The following RNF2 variants were observed in gnomAD, a reference collection of about 807,000 sequenced individuals.
RNF2 encodes the protein ring finger protein 2.
In RNF2, 6 loss-of-function variants were observed where a neutral mutation model predicts 37.2. That is an observed-to-expected ratio of 0.16 (90% CI 0.09 to 0.32). The LOEUF is 0.32. Ranked by LOEUF, RNF2 falls within the 10% of genes least tolerant of loss-of-function variation. The pLI, the probability that RNF2 is intolerant of heterozygous loss-of-function variation, is 1.00. For synonymous variants in RNF2, 133 were observed against 132.7 expected (o/e 1.00, Z -0.02); for missense variants, 251 against 404.0 (o/e 0.62, Z 3.25).
At chr1:185,097,304 A>G (rs1268633594) in intron 4 of RNF2, among the ~76,000 whole-genome samples, 1 of 152,138 alleles carries the variant, frequency 6.6e-6, no homozygotes, top group Non-Finnish European at 1.5e-5. Context: ...TTCCTCAGTC[A>G]TTTTGTATCG....
intron 1 of RNF2, among the ~76,000 whole-genome samples, chr1:185,076,268 G>GTGTTTTTTTTTTTTTTTTTTTTTTTT (rs1651152320): frequency 3.7e-5 from 1 of 27,334 alleles, no homozygotes; most frequent in Non-Finnish European, 7.6e-5. Flanking sequence ...TTTATGGGTT[G>GTGTTTTTTTTTTTTTTTTTTTTTTTT]TTTTTTTTTT....
intron 1 of RNF2, among the ~76,000 whole-genome samples, chr1:185,083,329 G>C (rs780806044): frequency 2.0e-5 from 3 of 152,078 alleles, no homozygotes; most frequent in Non-Finnish European, 4.4e-5. Context: ...CTACATGTTG[G>C]AGATTGTCCA....
intron 2 of RNF2, among the ~76,000 whole-genome samples, chr1:185,089,572 TC>T (rs1399001867): frequency 2.0e-5 from 3 of 152,068 alleles, no homozygotes; most frequent in African/African-American, 4.8e-5. Flanking sequence ...ATGTGATGAA[TC>T]AAGGATATGA....
At chr1:185,053,921 A>T (rs950390165) in intron 1 of RNF2, among the ~76,000 whole-genome samples, 1 of 152,114 alleles carries the variant, frequency 6.6e-6, no homozygotes, top group Non-Finnish European at 1.5e-5. Flanking sequence ...GATGTAGCTC[A>T]TTCTTGGATG....
intron 6 of RNF2, 24 bp from the exon 7 acceptor site, chr1:185,100,176 T>A: frequency 6.5e-7 from 1 of 1,533,450 alleles, no homozygotes; most frequent in South Asian, 1.2e-5. Flanking sequence ...GTTTTCATAA[T>A]TTTTTCTTTC....
intron 1 of RNF2, among the ~76,000 whole-genome samples, chr1:185,055,654 C>G (rs1333002956): frequency 2.0e-5 from 3 of 152,206 alleles, no homozygotes; most frequent in Admixed American, 6.5e-5. Flanking sequence ...CTCCTGATTT[C>G]AAGTGATCCA....
In RNF2 at chr1:185,087,539, T is replaced by C. The variant is rs764387219; in HGVS notation, c.-2-13T>C. On this transcript the variant is annotated splice_polypyrimidine_tract_variant and intron_variant, in intron 1 of 6. Transcript: ENST00000367510. ...AAATACTAAAATTGTTTTTCTCTCT[T>C]CTTTATTTCCAGCAATGTCTCAGGC... 1.2e-5 allele frequency: 20 copies of C among 1,612,764 alleles called. No individual in the cohort carries two copies. Among genetic ancestry groups the C allele is most frequent in the Admixed American group, 3.3e-5 (2 of 59,994 alleles).
chr1:185,062,656 T>C (rs1650645271), intron 1 of RNF2, among the ~76,000 whole-genome samples: 1 of 152,072 alleles, frequency 6.6e-6, no homozygotes, highest in Non-Finnish European at 1.5e-5. Flanking sequence ...AAAAGTTATG[T>C]ACTGAAGAAG....
At chr1:185,093,370 CAAAT>C (rs1431450142) in intron 4 of RNF2, 94 bp downstream of exon 4, 5 of 1,098,318 alleles carry the variant, frequency 4.6e-6, no homozygotes, top group Non-Finnish European at 6.7e-6. Flanking sequence ...AATACAGTAA[CAAAT>C]AGTAGTACTG....
chr1:185,059,465 G>A (rs750388602), intron 1 of RNF2, among the ~76,000 whole-genome samples: 8 of 152,262 alleles, frequency 5.3e-5, no homozygotes, highest in Non-Finnish European at 1.0e-4. Flanking sequence ...TAACTTTTAC[G>A]TAGCTGTCCT....
At chr1:185,089,402 A>G (rs1264932091) in intron 2 of RNF2, among the ~76,000 whole-genome samples, 1 of 152,176 alleles carries the variant, frequency 6.6e-6, no homozygotes, top group Admixed American at 6.5e-5. Context: ...TTGAGCATCC[A>G]AGGATTTTGA....
chr1:185,078,063 T>C (rs1651230692), intron 1 of RNF2, among the ~76,000 whole-genome samples: 1 of 152,086 alleles, frequency 6.6e-6, no homozygotes, highest in South Asian at 2.1e-4. Context: ...CCGGCCAACA[T>C]GGGTGAAACC....
chr1:185,065,971 G>C (rs191330396), intron 1 of RNF2, among the ~76,000 whole-genome samples: 4 of 142,504 alleles, frequency 2.8e-5, no homozygotes, highest in African/African-American at 1.0e-4. Context: ...TTTTTTTTTA[G>C]TATCAGCATC....
intron 4 of RNF2, among the ~76,000 whole-genome samples, chr1:185,095,308 C>A (rs1051293137): frequency 1.3e-5 from 2 of 152,182 alleles, no homozygotes; most frequent in Non-Finnish European, 2.9e-5. Flanking sequence ...TTGTTGGCAA[C>A]TTTATTACAG....
intron 1 of RNF2, among the ~76,000 whole-genome samples, chr1:185,057,102 G>A (rs942560218): frequency 1.6e-4 from 25 of 152,128 alleles, no homozygotes; most frequent in Non-Finnish European, 2.5e-4. Context: ...GAGACTAGGA[G>A]TTCAAGACCA....
intron 1 of RNF2, among the ~76,000 whole-genome samples, chr1:185,087,290 C>T (rs1168965710): frequency 1.3e-5 from 2 of 152,084 alleles, no homozygotes; most frequent in African/African-American, 4.8e-5. Context: ...CTGGTGAGGG[C>T]CTATTCCTTA....
chr1:185,100,135 G>A (rs1652036344), intron 6 of RNF2, 65 bp from the exon 7 acceptor site: 1 of 1,348,614 alleles, frequency 7.4e-7, no homozygotes, highest in Admixed American at 2.3e-5. Flanking sequence ...TTCCATTTTA[G>A]TTTCATTTCA....
Position 185,056,323 on chromosome 1 carries a change from T to A in RNF2, c.-3+10674T>A, listed in dbSNP as rs548960656. On this transcript the variant is annotated intron_variant, in intron 1 of 6. Transcript: ENST00000367510. ...ATATTGGTTTGCCAGTGAAAAAAAA[T>A]TTTACAAGATAAATTATCCATCATT... Among the ~76,000 whole-genome samples, 8 of 152,094 alleles carry A rather than the reference T, an allele frequency of 5.3e-5. No individual in the cohort carries two copies. In the South Asian group the frequency reaches 1.7e-3, roughly 32 times the overall value.
chr1:185,087,475 G>T, intron 1 of RNF2, 77 bp from the exon 2 acceptor site: 2 of 1,184,666 alleles, frequency 1.7e-6, no homozygotes, highest in South Asian at 1.3e-5. Context: ...TAGGAATTTT[G>T]GTGGGACACA....
Sources: gnomAD v4.1 joint callset for allele counts (sites outside exome capture counted in the v4.1 genomes callset) on GRCh38, gnomAD v4.1.1 for gene constraint, MANE v1.5 for transcripts, NCBI Gene and HGNC (gene_info 2026-07-23, HGNC 2026-07-21) for gene names.